Variants in STK33 observed in about 807,000 individuals in gnomAD.
The protein encoded by STK33 is serine/threonine-protein kinase 33.
Under a neutral mutation model 58.0 loss-of-function variants are expected in STK33, and 52 were observed. The observed-to-expected ratio is 0.90, with a 90% CI of 0.72 to 1.13. The LOEUF (loss-of-function observed/expected upper bound fraction) is 1.13, where lower values mean the gene tolerates loss of function less well. Among genes scored for constraint, STK33 ranks in the 50% most tolerant of loss-of-function variants. The pLI is 0.00. For missense variants in STK33, 630 were observed against 604.2 expected (o/e 1.04, Z -0.45); for synonymous variants, 215 against 200.1 (o/e 1.07, Z -0.63).
chr11:8,563,842 G>A (rs1472800737), intron 1 of STK33, among the ~76,000 whole-genome samples: 5 of 152,130 alleles, frequency 3.3e-5, no homozygotes, highest in African/African-American at 7.2e-5. Context: ...CAGTTGGCCA[G>A]GGAAAGTGAG....
chr11:8,568,124 A>G (rs1203826827), intron 1 of STK33, among the ~76,000 whole-genome samples: 1 of 152,184 alleles, frequency 6.6e-6, no homozygotes, highest in Non-Finnish European at 1.5e-5. Flanking sequence ...CCAGAGAAAA[A>G]TAGCTTGTTT....
intron 1 of STK33, among the ~76,000 whole-genome samples, chr11:8,512,593 G>C (rs892367628): frequency 3.9e-5 from 6 of 152,096 alleles, no homozygotes; most frequent in Non-Finnish European, 8.8e-5. Flanking sequence ...TTTATTGTAA[G>C]CTCATTTCTT....
chr11:8,452,615 C>G (rs1350495601), intron 11 of STK33, among the ~76,000 whole-genome samples: 3 of 151,816 alleles, frequency 2.0e-5, no homozygotes, highest in African/African-American at 7.3e-5. Flanking sequence ...AGACTGCTAT[C>G]TCTTAAAAAC....
chr11:8,426,776 A>G (rs1942822438), intron 14 of STK33, among the ~76,000 whole-genome samples: 1 of 152,122 alleles, frequency 6.6e-6, no homozygotes, highest in Non-Finnish European at 1.5e-5. Flanking sequence ...CTGGAATGTT[A>G]AGTTAGATAT....
At position 8,439,869 on chromosome 11, in the gene STK33, T is replaced by TTATATATATATATA. The variant is rs551629890; in HGVS notation, c.947+795_947+808dup. The stretch of plus-strand genomic sequence containing the variant: ...AGATTACATATATATTATATTATAA[T>TTATATATATATATA]TATATATATATATATATCAGAGGCT... On this transcript the variant is annotated intron_variant, in intron 12 of 15. Coordinates refer to ENST00000687296, the MANE Select transcript of STK33 (RefSeq NM_001352389.2). 5.8e-3 allele frequency among the ~76,000 whole-genome samples: 625 copies of TTATATATATATATA among 107,232 alleles called. 28 individuals are homozygous for TTATATATATATATA. Among genetic ancestry groups the TTATATATATATATA allele is most frequent in the Middle Eastern group, 0.012 (2 of 172 alleles). The allele number at this position is 107,232 out of a possible 152,430, so 70.3% of individuals were successfully genotyped here.
intron 1 of STK33, among the ~76,000 whole-genome samples, chr11:8,507,408 G>A (rs79498751): frequency 0.029 from 4,393 of 152,260 alleles, 210 homozygotes; most frequent in African/African-American, 0.098. Flanking sequence ...AGGAGTGAAT[G>A]AGTTAATACA....
In STK33 at chr11:8,473,294, AT is replaced by A. The variant is rs765391166; in HGVS notation, c.226-19del. ...CTTGAGGGCTGGGACCAAAAAAAAA[AT>A]TAAAAAAAAAAAACTTTAAGATGTA... On this transcript the variant is annotated intron_variant, in intron 5 of 15. Coordinates refer to ENST00000687296, the MANE Select transcript of STK33 (RefSeq NM_001352389.2). 62 of 1,388,614 alleles carry A rather than the reference AT, an allele frequency of 4.5e-5. No homozygotes were observed. In the African/African-American group the frequency reaches 8.4e-4, roughly 19 times the overall value. The allele number at this position is 1,388,614 out of a possible 1,614,324, so 86.0% of individuals were successfully genotyped here.
chr11:8,593,461 G>C (rs979410431), intron 1 of STK33, among the ~76,000 whole-genome samples: 2 of 152,140 alleles, frequency 1.3e-5, no homozygotes, highest in African/African-American at 2.4e-5. Context: ...TCACAAAACA[G>C]CTTCACATAT....
chr11:8,429,958 T>C (rs1455638271), intron 14 of STK33, among the ~76,000 whole-genome samples: 3 of 152,124 alleles, frequency 2.0e-5, no homozygotes, highest in African/African-American at 7.2e-5. Context: ...CAGAATCTAG[T>C]CACTATCTCT....
intron 1 of STK33, among the ~76,000 whole-genome samples, chr11:8,590,930 CT>C (rs1394538319): frequency 6.6e-6 from 1 of 152,146 alleles, no homozygotes; most frequent in Non-Finnish European, 1.5e-5. Context: ...TTTTGTAAGT[CT>C]CTTTTTAAAA....
intron 1 of STK33, among the ~76,000 whole-genome samples, chr11:8,517,194 C>T (rs1268316198): frequency 6.6e-6 from 1 of 152,198 alleles, no homozygotes; most frequent in Non-Finnish European, 1.5e-5. Context: ...GTTCTGCAGC[C>T]TCCGCTGGTG....
At chr11:8,575,396 C>T (rs1306640832) in intron 1 of STK33, among the ~76,000 whole-genome samples, 5 of 152,138 alleles carry the variant, frequency 3.3e-5, no homozygotes, top group Non-Finnish European at 4.4e-5. Context: ...CTGTGGTATA[C>T]GGACACAAGG....
chr11:8,429,538 C>T (rs1590983529), intron 14 of STK33, among the ~76,000 whole-genome samples: 1 of 152,198 alleles, frequency 6.6e-6, no homozygotes, highest in Non-Finnish European at 1.5e-5. Context: ...CTTCTTTCTC[C>T]CCTCTTCTCT....
chr11:8,394,720 A>G (rs1590694058), intron 15 of STK33, among the ~76,000 whole-genome samples: 2 of 152,190 alleles, frequency 1.3e-5, no homozygotes, highest in Admixed American at 1.3e-4. Context: ...CTTGGATACA[A>G]TATCTTGAGA....
At chr11:8,505,459 G>A (rs527543750) in intron 1 of STK33, among the ~76,000 whole-genome samples, 1 of 152,096 alleles carries the variant, frequency 6.6e-6, no homozygotes, top group African/African-American at 2.4e-5. Flanking sequence ...TTCCCTCCAC[G>A]TGGGACATTC....
chr11:8,430,418 G>A (rs896145058), intron 14 of STK33, among the ~76,000 whole-genome samples: 6 of 151,544 alleles, frequency 4.0e-5, no homozygotes, highest in East Asian at 1.9e-4. Context: ...CAATCTTTTC[G>A]CTTCCCTGGG....
intron 1 of STK33, among the ~76,000 whole-genome samples, chr11:8,530,934 G>A (rs1474111719): frequency 3.2e-5 from 4 of 124,304 alleles, no homozygotes; most frequent in African/African-American, 5.6e-5. Flanking sequence ...CAGATGATCC[G>A]CCCACCTCAG....
intron 1 of STK33, among the ~76,000 whole-genome samples, chr11:8,489,272 G>GAAAAAAAAAAAAAAAAAAAAAGA: frequency 7.9e-6 from 1 of 126,588 alleles, no homozygotes; most frequent in Non-Finnish European, 1.6e-5. Flanking sequence ...AAAAAAAAAA[G>GAAAAAAAAAAAAAAAAAAAAAGA]AAAAAAAAAA....
At chr11:8,528,654 C>G (rs1200540785) in intron 1 of STK33, among the ~76,000 whole-genome samples, 1 of 152,170 alleles carries the variant, frequency 6.6e-6, no homozygotes, top group Non-Finnish European at 1.5e-5. Context: ...AGACCAAAAC[C>G]TGGAACATTA....
Sources: allele counts gnomAD v4.1 joint callset (sites outside exome capture counted in the v4.1 genomes callset), GRCh38; gene constraint gnomAD v4.1.1; transcripts MANE v1.5; gene names NCBI Gene and HGNC (gene_info 2026-07-23, HGNC 2026-07-21).